Variants in DPYSL4 observed in about 807,000 individuals in gnomAD.
DPYSL4 encodes the protein dihydropyrimidinase like 4.
Under a neutral mutation model 63.4 loss-of-function variants are expected in DPYSL4, and 43 were observed. That is an observed-to-expected ratio of 0.68 (90% CI 0.53 to 0.88). DPYSL4 has a LOEUF of 0.88. Among genes scored for constraint, DPYSL4 ranks in the 40% least tolerant of loss-of-function variants. The pLI, the probability that DPYSL4 is intolerant of heterozygous loss-of-function variation, is 0.00. For missense variants in DPYSL4, 733 were observed against 819.5 expected, an observed-to-expected ratio of 0.89 and a Z score of 1.29; for synonymous variants, 353 against 331.7, an observed-to-expected ratio of 1.06 and a Z score of -0.70.
At chr10:132,193,221 C>T (rs975820487) in intron 3 of DPYSL4, among the ~76,000 whole-genome samples, 9 of 152,162 alleles carry the variant, frequency 5.9e-5, no homozygotes, top group African/African-American at 1.4e-4. Context: ...CCACATGCCT[C>T]GGAAGCTTCA....
chr10:132,196,589 C>A (rs930255049), intron 4 of DPYSL4, among the ~76,000 whole-genome samples: 1 of 152,262 alleles, frequency 6.6e-6, no homozygotes, highest in Admixed American at 6.5e-5. Flanking sequence ...GGGTTCTCAC[C>A]TGCATTTGCC....
intron 11 of DPYSL4, among the ~76,000 whole-genome samples, chr10:132,202,362 C>T (rs762313322): frequency 3.3e-5 from 5 of 152,260 alleles, no homozygotes; most frequent in Non-Finnish European, 7.3e-5. Flanking sequence ...CAGAGCGGTG[C>T]CGTGTGCACC....
chr10:132,203,089 C>T (rs558801591), intron 12 of DPYSL4, among the ~76,000 whole-genome samples: 1 of 152,224 alleles, frequency 6.6e-6, no homozygotes, highest in Non-Finnish European at 1.5e-5. Context: ...TGGGTCCCAC[C>T]CAAGTCATCC....
intron 3 of DPYSL4, among the ~76,000 whole-genome samples, 161 bp downstream of exon 3, chr10:132,193,003 C>G (rs903728555): frequency 2.6e-5 from 4 of 152,208 alleles, no homozygotes; most frequent in African/African-American, 9.7e-5. Flanking sequence ...TTTCTAATCC[C>G]TGTGTCTCAC....
intron 1 of DPYSL4, among the ~76,000 whole-genome samples, chr10:132,187,516 C>T (rs1342258264): frequency 6.6e-6 from 1 of 152,026 alleles, no homozygotes; most frequent in Non-Finnish European, 1.5e-5. Context: ...GCGGACGCGG[C>T]CCTTTGTTGG....
chr10:132,202,900 G>T (rs2062038897), intron 12 of DPYSL4, 75 bp downstream of exon 12: 4 of 1,498,208 alleles, frequency 2.7e-6, no homozygotes, highest in Non-Finnish European at 1.8e-6. Context: ...ACGCACCCCT[G>T]GTCAACCTGG....
Position 132,204,942 on chromosome 10 carries a change from C to CA in DPYSL4, c.*12_*13insA, listed in dbSNP as rs752044229. 1 of 1,603,286 alleles carries CA rather than the reference C, an allele frequency of 6.2e-7. No individual in the cohort carries two copies. The stretch of plus-strand genomic sequence containing the variant: ...CCTCTCTCTCCTAGACGCCCAGGAC[C>CA]GGCCCTGTGAGCCGTGCTGGCCCCA... On this transcript the variant is annotated 3_prime_UTR_variant, in exon 14 of 14. Coordinates refer to ENST00000338492, the MANE Select transcript of DPYSL4 (RefSeq NM_006426.3).
rs61009881 is a variant in DPYSL4 at position 132,191,530 on chromosome 10, G to A, written c.128+695G>A. On this transcript the variant is annotated intron_variant, in intron 2 of 13. Coordinates refer to ENST00000338492, the MANE Select transcript of DPYSL4 (RefSeq NM_006426.3). Reference sequence around the variant, plus strand: ...GGCAGATGAACATAGTTCCCAGCTCGTGTGTACACGCTGGTCACATGGTAT... The same window carrying A: ...GGCAGATGAACATAGTTCCCAGCTCATGTGTACACGCTGGTCACATGGTAT... 2.2e-3 allele frequency among the ~76,000 whole-genome samples: 141 copies of A among 63,974 alleles called. 4 individuals carry two copies. Among genetic ancestry groups the A allele is most frequent in the African/African-American group, 8.0e-3 (136 of 17,022 alleles). The allele number at this position is 63,974 out of a possible 152,430, so 42.0% of individuals were successfully genotyped here.
In DPYSL4 at chr10:132,201,814, G is replaced by C. The variant is rs2062022025; in HGVS notation, c.1111-132G>C. The C allele has an allele frequency of 6.1e-6, 6 of 986,444 alleles. No individual in the cohort carries two copies. In the South Asian group the frequency reaches 8.6e-5, roughly 14 times the overall value. The allele number at this position is 986,444 out of a possible 1,614,324, so 61.1% of individuals were successfully genotyped here. On this transcript the variant is annotated intron_variant, in intron 10 of 13. Coordinates refer to ENST00000338492, the MANE Select transcript of DPYSL4 (RefSeq NM_006426.3). ...ACCTTGTGGGGGGCCTGGTGGTCCA[G>C]CGTCTGTCCTCACGGGGGCCTGGTG...
At chr10:132,192,867 A>G (rs1423000876) in intron 3 of DPYSL4, 25 bp downstream of exon 3, 4 of 1,574,394 alleles carry the variant, frequency 2.5e-6, no homozygotes, top group Admixed American at 1.8e-5. Context: ...CTCCTCCTCT[A>G]CAGGGGGCAG....
intron 9 of DPYSL4, 144 bp downstream of exon 9, chr10:132,200,656 C>G: frequency 5.1e-6 from 7 of 1,377,746 alleles, no homozygotes; most frequent in Non-Finnish European, 6.8e-6. Flanking sequence ...GCCCTTTGGT[C>G]CCAGCGGGGG....
chr10:132,203,936 G>A lies in DPYSL4; in HGVS notation c.1627+9G>A. The stretch of plus-strand genomic sequence containing the variant: ...GGGGTTCAGCCTATCTGGTGAGTTG[G>A]GCCTGGGGCACCAGTGGGGGTGAGG... On this transcript the variant is annotated intron_variant, in intron 13 of 13. Coordinates refer to ENST00000338492, the MANE Select transcript of DPYSL4 (RefSeq NM_006426.3). 1 of 1,589,960 alleles carries A rather than the reference G, an allele frequency of 6.3e-7. No homozygotes were observed. Among genetic ancestry groups the A allele is most frequent in the Non-Finnish European group, 8.6e-7 (1 of 1,162,280 alleles).
At chr10:132,192,538 C>T in intron 2 of DPYSL4, 120 bp from the exon 3 acceptor site, 3 of 1,450,302 alleles carry the variant, frequency 2.1e-6, no homozygotes, top group Non-Finnish European at 2.7e-6. Flanking sequence ...GCCGGCCGTG[C>T]TGGCCTTTTC....
chr10:132,203,453 G>A (rs2062048273), intron 12 of DPYSL4: 1 of 432,190 alleles, frequency 2.3e-6, no homozygotes, highest in Non-Finnish European at 4.2e-6. Context: ...TGGGGCCTCG[G>A]AGGGAGGTTG....
intron 1 of DPYSL4, among the ~76,000 whole-genome samples, chr10:132,188,759 C>T (rs1333601056): frequency 6.6e-6 from 1 of 152,238 alleles, no homozygotes; most frequent in Non-Finnish European, 1.5e-5. Flanking sequence ...TGTGTTCCAA[C>T]AAAACTTCAT....
rs1304489463 is a variant in DPYSL4 at position 132,186,994 on chromosome 10, T to TCCGC, written c.-68_-67insGCCC. ...CCACGCACGCGTCCCGGCTCACGCG[T>TCCGC]CCCCCCGCCCGCCCGCCCGCCCGCC... On this transcript the variant is annotated 5_prime_UTR_variant, in exon 1 of 14. Coordinates refer to ENST00000338492, the MANE Select transcript of DPYSL4 (RefSeq NM_006426.3). The TCCGC allele has an allele frequency of 3.7e-5, 8 of 218,992 alleles. No homozygotes were observed. The highest frequency in any genetic ancestry group is 3.0e-4 in the South Asian group (4 of 13,470). The allele number at this position is 218,992 out of a possible 1,614,324, so 13.6% of individuals were successfully genotyped here.
intron 12 of DPYSL4, among the ~76,000 whole-genome samples, chr10:132,203,185 C>A (rs896387783): frequency 6.6e-6 from 1 of 152,214 alleles, no homozygotes; most frequent in Admixed American, 6.5e-5. Context: ...AGTGTGGGTC[C>A]TTCTGGGATT....
intron 2 of DPYSL4, among the ~76,000 whole-genome samples, chr10:132,191,893 A>G (rs59260286): frequency 7.1e-5 from 8 of 112,792 alleles, no homozygotes; most frequent in African/African-American, 1.5e-4. Flanking sequence ...ATCCAGGCAG[A>G]TGAACATAGT....
chr10:132,197,726 G>C (rs2061964045), intron 6 of DPYSL4, among the ~76,000 whole-genome samples: 1 of 152,224 alleles, frequency 6.6e-6, no homozygotes, highest in Non-Finnish European at 1.5e-5. Context: ...TCGTGGGACG[G>C]GACGGGCTCT....
Sources: gnomAD v4.1 joint callset for allele counts (sites outside exome capture counted in the v4.1 genomes callset) on GRCh38, gnomAD v4.1.1 for gene constraint, MANE v1.5 for transcripts, NCBI Gene and HGNC (gene_info 2026-07-23, HGNC 2026-07-21) for gene names.